The following AGK variants were observed in gnomAD, a reference collection of about 807,000 sequenced individuals.
AGK encodes acylglycerol kinase, also known as acylglycerol kinase, mitochondrial.
In AGK, 52 loss-of-function variants were observed where a neutral mutation model predicts 66.4. The observed-to-expected ratio is 0.78, with a 90% CI of 0.63 to 0.99. AGK has a LOEUF of 0.99. Among genes scored for constraint, AGK ranks in the 50% least tolerant of loss-of-function variants. AGK has a pLI of 0.00. For synonymous variants in AGK, 182 were observed against 181.1 expected (o/e 1.00, Z -0.04); for missense variants, 451 against 506.6 (o/e 0.89, Z 1.05).
chr7:141,619,521 T>C (rs1401957712), intron 8 of AGK, among the ~76,000 whole-genome samples: 1 of 152,128 alleles, frequency 6.6e-6, no homozygotes, highest in African/African-American at 2.4e-5. Flanking sequence ...TACCTCACAC[T>C]ATATCTAAAA....
rs545541134 is a variant in AGK at position 141,555,054 on chromosome 7, C to A, written c.-14-399C>A. Among the ~76,000 whole-genome samples, 2 of 151,602 alleles carry A rather than the reference C, an allele frequency of 1.3e-5. No homozygotes were observed. Among genetic ancestry groups the A allele is most frequent in the Non-Finnish European group, 2.9e-5 (2 of 68,008 alleles). ...GGACACTTACATTATGATGGATAGA[C>A]AAATGTATACTCTTAAACAGTGGTA... On this transcript the variant is annotated intron_variant, in intron 1 of 15. Coordinates refer to ENST00000649286, the MANE Select transcript of AGK (RefSeq NM_018238.4). The surrounding 1 kb of genome is among the most constrained non-coding windows in gnomAD (Gnocchi z 4.2).
rs1039796565 is a variant in AGK, at chr7:141,598,091, C to G, written c.221+1450C>G. 6.6e-6 allele frequency among the ~76,000 whole-genome samples: 1 copy of G among 151,988 alleles called. No individual in the cohort carries two copies. The highest frequency in any genetic ancestry group is 1.5e-5 in the Non-Finnish European group (1 of 68,010). On this transcript the variant is annotated intron_variant, in intron 4 of 15. Transcript: ENST00000649286. This position sits in a 1 kb window ranked among gnomAD's most constrained non-coding sequence, Gnocchi z 4.2. ...CACAGGGTCTCTGAAGTCAGTTTTT[C>G]TAGTCATTTCTTGAGAGGCAGTGAG... is the stretch of plus-strand genomic sequence containing the variant.
intron 5 of AGK, among the ~76,000 whole-genome samples, chr7:141,604,374 G>GTATGTATA (rs1554400831): frequency 5.3e-5 from 6 of 113,826 alleles, no homozygotes; most frequent in African/African-American, 1.7e-4. Context: ...GTGTGTGTGT[G>GTATGTATA]TATATATATA....
At chr7:141,591,845 C>T (rs538377809) in intron 2 of AGK, among the ~76,000 whole-genome samples, 29 of 152,276 alleles carry the variant, frequency 1.9e-4, no homozygotes, top group African/African-American at 6.7e-4. Flanking sequence ...TCTGGAGCCC[C>T]GGAGGTGACT....
intron 2 of AGK, among the ~76,000 whole-genome samples, chr7:141,566,619 C>A (rs1433876086): frequency 6.6e-6 from 1 of 152,138 alleles, no homozygotes; most frequent in Non-Finnish European, 1.5e-5. Flanking sequence ...TCTTAGACAA[C>A]CTAACTCCTA....
At chr7:141,570,485 AAAATT>A (rs1351689738) in intron 2 of AGK, among the ~76,000 whole-genome samples, 1 of 152,190 alleles carries the variant, frequency 6.6e-6, no homozygotes, top group Non-Finnish European at 1.5e-5. Flanking sequence ...TCTAAAGAAA[AAAATT>A]AATTTAAAAA....
At chr7:141,587,305 A>G (rs1796014589) in intron 2 of AGK, among the ~76,000 whole-genome samples, 1 of 152,138 alleles carries the variant, frequency 6.6e-6, no homozygotes, top group Non-Finnish European at 1.5e-5. Context: ...TCACTGAGGG[A>G]GCCTCTGAAG....
intron 2 of AGK, among the ~76,000 whole-genome samples, chr7:141,576,374 C>A (rs922603133): frequency 4.6e-5 from 7 of 151,760 alleles, no homozygotes; most frequent in Non-Finnish European, 7.4e-5. Context: ...TAGGGTTGGA[C>A]CACACAGTCT....
intron 10 of AGK, among the ~76,000 whole-genome samples, chr7:141,636,034 G>T (rs1469250996): frequency 2.6e-5 from 4 of 152,210 alleles, no homozygotes; most frequent in East Asian, 1.9e-4. Flanking sequence ...TTTAAGAGAA[G>T]AATCTATTTT....
At chr7:141,615,919 C>T (rs570589561) in intron 8 of AGK, 1 of 185,440 alleles carries the variant, frequency 5.4e-6, no homozygotes, top group South Asian at 1.3e-4. Flanking sequence ...TATGCAATGA[C>T]AAATAACAAG....
chr7:141,559,806 T>G (rs979522344), intron 2 of AGK, among the ~76,000 whole-genome samples: 2 of 152,220 alleles, frequency 1.3e-5, no homozygotes, highest in Non-Finnish European at 2.9e-5. Context: ...TTTACCTACT[T>G]GCTTAAGTTT....
Position 141,641,309 on chromosome 7 carries a change from A to AT in AGK, c.789dup (p.Glu264Ter). On this transcript the variant is annotated frameshift_variant, in exon 12 of 16. Coordinates refer to ENST00000649286, the MANE Select transcript of AGK (RefSeq NM_018238.4). LOFTEE classifies it high-confidence loss of function. The stretch of plus-strand genomic sequence containing the variant: ...ACGGGACCTACAGAGAGACCTCCCA[A>AT]TGAACCAGAGGAGACCCCTGTACAA... 2 of 1,614,018 alleles carry AT rather than the reference A, an allele frequency of 1.2e-6. No individual in the cohort carries two copies. Among genetic ancestry groups the AT allele is most frequent in the African/African-American group, 2.7e-5 (2 of 75,034 alleles).
At chr7:141,552,445 A>G in intron 1 of AGK, among the ~76,000 whole-genome samples, 1 of 152,350 alleles carries the variant, frequency 6.6e-6, no homozygotes, top group East Asian at 1.9e-4. Flanking sequence ...TGCAACCAAC[A>G]TGGGAGTACT....
chr7:141,645,415 A>T (rs1797388963), intron 13 of AGK, among the ~76,000 whole-genome samples: 1 of 152,202 alleles, frequency 6.6e-6, no homozygotes, highest in African/African-American at 2.4e-5. Flanking sequence ...ATTATTAATT[A>T]TTCTAACTTT....
intron 2 of AGK, among the ~76,000 whole-genome samples, chr7:141,579,689 G>T (rs148795908): frequency 5.0e-4 from 76 of 152,084 alleles, no homozygotes; most frequent in Middle Eastern, 6.8e-3. Flanking sequence ...TTTCCTTGAG[G>T]ATAGATTTCC....
intron 5 of AGK, among the ~76,000 whole-genome samples, chr7:141,604,869 A>C (rs1426886090): frequency 6.6e-6 from 1 of 152,164 alleles, no homozygotes; most frequent in African/African-American, 2.4e-5. Flanking sequence ...ATTTATAACA[A>C]AAGAAAAAAC....
chr7:141,633,932 C>A lies in AGK; in HGVS notation c.620C>A (p.Thr207Asn). The stretch of plus-strand genomic sequence containing the variant: ...AAGGAACAGCCTGTATTTGCAATGA[C>A]CGGCCTTCGATGGGGATCTTTCAGA... ...GEKEQPVFAM[T>N]GLRWGSFRDA... is the part of the protein sequence containing the mutation. The change falls in exon 10 of 16, where the codon ACC becomes AAC. Residue 207 changes from threonine (T) to asparagine (N), a missense_variant. By Grantham distance (65) the Thr-to-Asn change is moderately conservative (BLOSUM62 0). Coordinates refer to ENST00000649286, the MANE Select transcript of AGK (RefSeq NM_018238.4). The A allele has an allele frequency of 6.2e-7, 1 of 1,613,980 alleles. No individual in the cohort carries two copies. Among genetic ancestry groups the A allele is most frequent in the Middle Eastern group, 1.6e-4 (1 of 6,062 alleles).
chr7:141,602,385 C>G (rs1216674982), intron 5 of AGK, among the ~76,000 whole-genome samples: 2 of 152,002 alleles, frequency 1.3e-5, no homozygotes, highest in Non-Finnish European at 2.9e-5. Context: ...TTTAACAGTT[C>G]TAGAAGTACT....
chr7:141,641,660 T>G, intron 12 of AGK, 151 bp from the exon 13 acceptor site: 1 of 721,330 alleles, frequency 1.4e-6, no homozygotes. Context: ...CATTTTTACC[T>G]CTATGTATAA....
Sources: gnomAD v4.1 joint callset for allele counts (sites outside exome capture counted in the v4.1 genomes callset) on GRCh38, gnomAD v4.1.1 for gene constraint, Gnocchi (gnomAD v3.1) non-coding constraint, MANE v1.5 for transcripts, NCBI Gene and HGNC (gene_info 2026-07-23, HGNC 2026-07-21) for gene names.